Variants in APLP2 observed in about 807,000 individuals in gnomAD.
APLP2 encodes amyloid beta precursor like protein 2.
Under a neutral mutation model 89.9 loss-of-function variants are expected in APLP2, and 53 were observed. The observed-to-expected ratio is 0.59, with a 90% CI of 0.47 to 0.74. The LOEUF is 0.74. Ranked by LOEUF, APLP2 falls within the 30% of genes least tolerant of loss-of-function variation. The pLI is 0.00. For synonymous variants in APLP2, 372 were observed against 348.6 expected, an observed-to-expected ratio of 1.07 and a Z score of -0.75; for missense variants, 973 against 975.9, an observed-to-expected ratio of 1.00 and a Z score of 0.04.
At chr11:130,101,693 C>CA (rs1296026893) in intron 1 of APLP2, among the ~76,000 whole-genome samples, 2 of 152,098 alleles carry the variant, frequency 1.3e-5, no homozygotes, top group Non-Finnish European at 2.9e-5. Flanking sequence ...AAAAAAGTTG[C>CA]AAAAATACTA....
intron 3 of APLP2, among the ~76,000 whole-genome samples, chr11:130,111,413 G>A (rs114106502): frequency 2.6e-5 from 4 of 152,178 alleles, no homozygotes; most frequent in Non-Finnish European, 4.4e-5. Flanking sequence ...GATTAGCCCT[G>A]ATGGGATTAA....
At chr11:130,092,433 T>G (rs1945494605) in intron 1 of APLP2, among the ~76,000 whole-genome samples, 2 of 119,184 alleles carry the variant, frequency 1.7e-5, no homozygotes, top group African/African-American at 3.8e-5. Context: ...CTGGGCACCA[T>G]TGAGCACTGA....
At chr11:130,110,930 C>G (rs545679999) in intron 3 of APLP2, among the ~76,000 whole-genome samples, 133 of 152,234 alleles carry the variant, frequency 8.7e-4, no homozygotes, top group Non-Finnish European at 1.6e-3. Context: ...TGCACTTACG[C>G]CCTCACATTG....
At chr11:130,114,101 C>T (rs984520009) in intron 3 of APLP2, 20 of 152,222 alleles carry the variant, frequency 1.3e-4, no homozygotes, top group Non-Finnish European at 1.5e-4. Flanking sequence ...ATTTTGTAGA[C>T]AATATCTAGT....
At chr11:130,088,582 A>G (rs1307254782) in intron 1 of APLP2, among the ~76,000 whole-genome samples, 1 of 152,084 alleles carries the variant, frequency 6.6e-6, no homozygotes, top group African/African-American at 2.4e-5. Context: ...TCTCTGCTTC[A>G]CTAACTTTAA....
intron 9 of APLP2, among the ~76,000 whole-genome samples, chr11:130,128,682 G>A (rs142637910): frequency 1.3e-5 from 2 of 152,328 alleles, no homozygotes; most frequent in Non-Finnish European, 2.9e-5. Flanking sequence ...TTGGTCAGTG[G>A]TCTCAGAGTT....
At chr11:130,115,447 T>G (rs940024173) in intron 3 of APLP2, among the ~76,000 whole-genome samples, 1 of 151,954 alleles carries the variant, frequency 6.6e-6, no homozygotes. Flanking sequence ...ATGGCTGCCA[T>G]AGCACTGCTG....
rs1206137745 is a variant in APLP2 at position 130,069,935 on chromosome 11, T to G, written c.-43T>G. 1 of 1,399,618 alleles carries G rather than the reference T, an allele frequency of 7.1e-7. No individual in the cohort carries two copies. 86.7% of individuals were successfully genotyped at this position (1,399,618 alleles called of 1,614,324 possible). A position where few individuals can be genotyped will look rare whatever the true frequency, so the allele number is the denominator to read the frequency against. ...CGGTGTGCTAAGCGAGGAGTCCGAG[T>G]GTGTGAGCTTGAGAGCCGCGCGCTA... On this transcript the variant is annotated 5_prime_UTR_variant, in exon 1 of 17. Transcript: ENST00000338167.
chr11:130,088,375 T>A (rs952483950), intron 1 of APLP2, among the ~76,000 whole-genome samples: 1 of 151,940 alleles, frequency 6.6e-6, no homozygotes, highest in Non-Finnish European at 1.5e-5. Flanking sequence ...GTAACAGACC[T>A]CTGAAGAGTC....
At chr11:130,092,702 G>GGAGGGTGAGAGA (rs1392595209) in intron 1 of APLP2, among the ~76,000 whole-genome samples, 1 of 133,556 alleles carries the variant, frequency 7.5e-6, no homozygotes, top group Admixed American at 7.1e-5. Flanking sequence ...GAGACCGTGG[G>GGAGGGTGAGAGA]GGGAGGGAGG....
chr11:130,118,701 T>C (rs965778721), intron 3 of APLP2, among the ~76,000 whole-genome samples: 1 of 152,188 alleles, frequency 6.6e-6, no homozygotes, highest in Non-Finnish European at 1.5e-5. Context: ...AGCTTACTGT[T>C]GGTATTTTTG....
At chr11:130,090,547 A>G (rs1293959944) in intron 1 of APLP2, among the ~76,000 whole-genome samples, 3 of 151,932 alleles carry the variant, frequency 2.0e-5, no homozygotes, top group African/African-American at 7.3e-5. Context: ...CTGAGTGGAC[A>G]CAGCACATGT....
At chr11:130,091,564 C>T (rs1398607824) in intron 1 of APLP2, among the ~76,000 whole-genome samples, 62 of 137,818 alleles carry the variant, frequency 4.5e-4, no homozygotes, top group Middle Eastern at 3.9e-3. Context: ...ACCTCCCTCC[C>T]GGACGGGGCG....
rs557871827 is a variant in APLP2 at position 130,095,919 on chromosome 11, G to A, written c.106-13510G>A. Among the ~76,000 whole-genome samples the A allele has an allele frequency of 1.2e-4, 18 of 151,170 alleles. No homozygotes were observed. In the South Asian group the frequency reaches 3.7e-3, roughly 31 times the overall value. On this transcript the variant is annotated intron_variant, in intron 1 of 16. Coordinates refer to ENST00000338167, the MANE Select transcript of APLP2 (RefSeq NM_001142276.2). ...TGCTAGGGGCTGTTCCCAGATAACA[G>A]TGGTTAGGAAAATACATGAGGCCTC...
At chr11:130,135,519 C>T (rs760395665) in intron 12 of APLP2, 44 bp from the exon 13 acceptor site, 1 of 1,602,558 alleles carries the variant, frequency 6.2e-7, no homozygotes, top group Admixed American at 1.7e-5. Context: ...GGACACCAGG[C>T]CCTTCTGAAG....
chr11:130,140,349 G>A, intron 13 of APLP2, 49 bp from the exon 14 acceptor site: 1 of 1,481,904 alleles, frequency 6.7e-7, no homozygotes, highest in African/African-American at 1.4e-5. Flanking sequence ...TGCAATGGGT[G>A]TGAGATGGGC....
At chr11:130,096,075 C>T (rs1591788860) in intron 1 of APLP2, among the ~76,000 whole-genome samples, 1 of 152,248 alleles carries the variant, frequency 6.6e-6, no homozygotes, top group East Asian at 1.9e-4. Flanking sequence ...ACGGAATGCC[C>T]CTTTGAGCAG....
chr11:130,133,422 C>T (rs923957021), intron 11 of APLP2, among the ~76,000 whole-genome samples: 7 of 152,150 alleles, frequency 4.6e-5, no homozygotes, highest in African/African-American at 1.7e-4. Flanking sequence ...CACGCCCAGG[C>T]TGAACACGTT....
intron 8 of APLP2, among the ~76,000 whole-genome samples, 156 bp downstream of exon 8, chr11:130,126,986 G>A (rs1950437752): frequency 1.3e-5 from 2 of 151,676 alleles, no homozygotes; most frequent in African/African-American, 4.9e-5. Flanking sequence ...TGCCTTCTGG[G>A]TGGACTTCTT....
Sources: allele counts gnomAD v4.1 joint callset (sites outside exome capture counted in the v4.1 genomes callset), GRCh38; gene constraint gnomAD v4.1.1; transcripts MANE v1.5; gene names NCBI Gene and HGNC (gene_info 2026-07-23, HGNC 2026-07-21).